The following EPHA6 variants were observed in gnomAD, a reference collection of about 807,000 sequenced individuals.
EPHA6 encodes the protein ephrin type-A receptor 6.
A neutral mutation model predicts 112.0 loss-of-function variants in EPHA6; 50 were observed. The ratio of observed to expected loss-of-function variants is 0.45; its 90% CI spans 0.36 to 0.56. EPHA6 has a LOEUF of 0.56. Ranked by LOEUF, EPHA6 falls within the 20% of genes least tolerant of loss-of-function variation. EPHA6 has a pLI of 0.00. For synonymous variants in EPHA6, 529 were observed against 490.7 expected (o/e 1.08, Z -1.03); for missense variants, 1,280 against 1,417.4 (o/e 0.90, Z 1.56).
intron 2 of EPHA6, among the ~76,000 whole-genome samples, chr3:96,963,418 A>C (rs7650621): frequency 0.024 from 3,620 of 152,284 alleles, 152 homozygotes; most frequent in African/African-American, 0.082. Flanking sequence ...ACTTATAGTC[A>C]AAACCCCTCT....
chr3:97,756,836 C>A lies in EPHA6; in HGVS notation c.*8135C>A, dbSNP rs961060059. Among the ~76,000 whole-genome samples the A allele has an allele frequency of 4.0e-5, 6 of 151,866 alleles. No individual in the cohort carries two copies. Among genetic ancestry groups the A allele is most frequent in the South Asian group, 4.1e-4 (2 of 4,820 alleles). ...GCTTGATTTTGGATACATTATTATTCATTTTGTTAGTCACATTCCACCTTG... is the reference window on the plus strand; with the variant it reads ...GCTTGATTTTGGATACATTATTATTAATTTTGTTAGTCACATTCCACCTTG... On this transcript the variant is annotated 3_prime_UTR_variant, in exon 18 of 18. Transcript: ENST00000389672.
intron 3 of EPHA6, among the ~76,000 whole-genome samples, chr3:97,051,691 A>G (rs1359544018): frequency 6.6e-6 from 1 of 152,112 alleles, no homozygotes; most frequent in Non-Finnish European, 1.5e-5. Context: ...CAGGAGGAAG[A>G]TTGCTTCTAG....
At chr3:97,652,085 A>T (rs1484606973) in intron 14 of EPHA6, among the ~76,000 whole-genome samples, 3 of 152,060 alleles carry the variant, frequency 2.0e-5, no homozygotes, top group Admixed American at 6.6e-5. Context: ...ACTTAAAATA[A>T]CATACCTGCT....
chr3:97,023,459 A>G (rs377059544), intron 3 of EPHA6, among the ~76,000 whole-genome samples: 12 of 152,180 alleles, frequency 7.9e-5, no homozygotes, highest in South Asian at 2.1e-4. Flanking sequence ...ATATTATTTC[A>G]ATTTCAAGTA....
chr3:97,503,957 A>G (rs1311863167), intron 10 of EPHA6, among the ~76,000 whole-genome samples: 2 of 152,230 alleles, frequency 1.3e-5, no homozygotes, highest in Admixed American at 6.6e-5. Context: ...TGAAAACTCT[A>G]AAACAATTCT....
chr3:97,121,461 G>T (rs1419421635), intron 3 of EPHA6, among the ~76,000 whole-genome samples: 1 of 151,978 alleles, frequency 6.6e-6, no homozygotes, highest in African/African-American at 2.4e-5. Context: ...CAAAAATTAG[G>T]GCTTCCTCTC....
intron 3 of EPHA6, among the ~76,000 whole-genome samples, chr3:97,164,066 C>T (rs2076480586): frequency 6.6e-6 from 1 of 152,110 alleles, no homozygotes; most frequent in Non-Finnish European, 1.5e-5. Flanking sequence ...TTTTCTTTCT[C>T]CACTTCTTCC....
chr3:97,576,874 G>C (rs1291686335), intron 11 of EPHA6, among the ~76,000 whole-genome samples: 1 of 152,156 alleles, frequency 6.6e-6, no homozygotes, highest in Non-Finnish European at 1.5e-5. Context: ...CAATGAACAA[G>C]ATAACATGAC....
chr3:96,919,818 GTGTTAT>G (rs2039671607), intron 2 of EPHA6, among the ~76,000 whole-genome samples: 1 of 151,736 alleles, frequency 6.6e-6, no homozygotes, highest in Non-Finnish European at 1.5e-5. Context: ...TTAGTTCCAA[GTGTTAT>G]TTAACTTTAC....
At chr3:96,832,934 T>C (rs972916200) in intron 1 of EPHA6, among the ~76,000 whole-genome samples, 9 of 151,922 alleles carry the variant, frequency 5.9e-5, no homozygotes, top group Non-Finnish European at 8.8e-5. Flanking sequence ...TATGTAATCC[T>C]CACAACCCTT....
intron 12 of EPHA6, among the ~76,000 whole-genome samples, chr3:97,609,642 T>C (rs2093703418): frequency 6.6e-6 from 1 of 151,494 alleles, no homozygotes; most frequent in Admixed American, 6.6e-5. Flanking sequence ...GATTCAAATG[T>C]AAAGTCTAGC....
In EPHA6 at chr3:96,952,010, G is replaced by A. The variant is rs547752066; in HGVS notation, c.451-35320G>A. On this transcript the variant is annotated intron_variant, in intron 2 of 17. Transcript: ENST00000389672. The stretch of plus-strand genomic sequence containing the variant: ...GTGTACTTGGTTTGATATAAGGACA[G>A]ACTAGGTGGGTATACTTAATCTTGA... 7.5e-4 allele frequency among the ~76,000 whole-genome samples: 114 copies of A among 152,230 alleles called. 1 individual carries two copies. The highest frequency in any genetic ancestry group is 2.6e-3 in the African/African-American group (106 of 41,552).
chr3:97,296,857 C>T (rs2080891173), intron 5 of EPHA6, among the ~76,000 whole-genome samples: 1 of 152,126 alleles, frequency 6.6e-6, no homozygotes, highest in South Asian at 2.1e-4. Flanking sequence ...GCTAAATACC[C>T]AACTGGGTCC....
chr3:97,564,701 A>G (rs915525772), intron 11 of EPHA6, among the ~76,000 whole-genome samples: 1 of 152,190 alleles, frequency 6.6e-6, no homozygotes, highest in African/African-American at 2.4e-5. Context: ...AAAAGAAAAG[A>G]AGATGTGAAT....
chr3:96,873,911 A>G (rs958301267), intron 2 of EPHA6, among the ~76,000 whole-genome samples: 12 of 152,158 alleles, frequency 7.9e-5, no homozygotes, highest in Non-Finnish European at 1.0e-4. Context: ...CGTGATCTCA[A>G]TAATATTTAT....
intron 6 of EPHA6, among the ~76,000 whole-genome samples, chr3:97,447,466 A>G (rs2090385051): frequency 2.6e-5 from 4 of 152,148 alleles, no homozygotes; most frequent in Admixed American, 2.0e-4. Context: ...GATGGTGGAA[A>G]TTAACTTGAG....
At chr3:97,079,606 T>TA (rs71113851) in intron 3 of EPHA6, among the ~76,000 whole-genome samples, 23,203 of 113,234 alleles carry the variant, frequency 0.2, 3,136 homozygotes, top group African/African-American at 0.39. Flanking sequence ...AAATTAAAAG[T>TA]AAAAAAAAAA....
intron 3 of EPHA6, among the ~76,000 whole-genome samples, chr3:97,061,932 A>C (rs2046035014): frequency 6.6e-6 from 1 of 152,230 alleles, no homozygotes; most frequent in Admixed American, 6.5e-5. Flanking sequence ...GAAAGAAAAC[A>C]AAAATTATAT....
At chr3:97,502,903 C>T (rs1249874153) in intron 10 of EPHA6, among the ~76,000 whole-genome samples, 3 of 140,008 alleles carry the variant, frequency 2.1e-5, no homozygotes, top group Non-Finnish European at 4.6e-5. Context: ...TTGCTTTAGT[C>T]TTCACAAATA....
Sources: gnomAD v4.1 joint callset for allele counts (sites outside exome capture counted in the v4.1 genomes callset) on GRCh38, gnomAD v4.1.1 for gene constraint, MANE v1.5 for transcripts, NCBI Gene and HGNC (gene_info 2026-07-23, HGNC 2026-07-21) for gene names.